Variants in WRNIP1 observed in about 807,000 individuals in gnomAD.
WRNIP1 encodes ATPase WRNIP1.
In WRNIP1, 41 loss-of-function variants were observed where a neutral mutation model predicts 56.1. That is an observed-to-expected ratio of 0.73 (90% confidence interval 0.57 to 0.95). The LOEUF (loss-of-function observed/expected upper bound fraction) is 0.95, where lower values mean the gene tolerates loss of function less well. WRNIP1 is among the 40% of genes least tolerant of loss of function. The pLI is 0.00. For missense variants in WRNIP1, 1,170 were observed against 939.4 expected (o/e 1.25, Z -3.21); for synonymous variants, 547 against 398.1 (o/e 1.37, Z -4.45).
rs953829747 is a variant in WRNIP1 at position 2,766,129 on chromosome 6, GGGCGAC to G, written c.513_518del (p.Gly176_Asp177del). On this transcript the variant is annotated inframe_deletion, in exon 1 of 7. Transcript: ENST00000380773. Reference sequence around the variant, plus strand: ...AGGCGCAGGAGGAGGAGGAGGCCGTGGGCGACGGCGATGGCGACGGGGACGCGGACG... The same window carrying G: ...AGGCGCAGGAGGAGGAGGAGGCCGTGGGCGATGGCGACGGGGACGCGGACG... 1.7e-5 allele frequency: 23 copies of G among 1,325,648 alleles called. No individual in the cohort carries two copies. The highest frequency in any genetic ancestry group is 1.2e-4 in the African/African-American group (8 of 64,952). The allele number at this position is 1,325,648 out of a possible 1,614,324, so 82.1% of individuals were successfully genotyped here.
At chr6:2,769,298 G>C (rs1765175413) in intron 2 of WRNIP1, among the ~76,000 whole-genome samples, 1 of 151,854 alleles carries the variant, frequency 6.6e-6, no homozygotes, top group Non-Finnish European at 1.5e-5. Flanking sequence ...GTAACTCCAG[G>C]CTCTGTCTTC....
At chr6:2,766,914 A>G (rs1210788457) in intron 1 of WRNIP1, among the ~76,000 whole-genome samples, 1 of 152,190 alleles carries the variant, frequency 6.6e-6, no homozygotes, top group Non-Finnish European at 1.5e-5. Flanking sequence ...CTTTTCCACT[A>G]GTTGTTGGTT....
intron 3 of WRNIP1, chr6:2,773,186 T>A (rs554482217): frequency 1.1e-4 from 110 of 984,590 alleles, no homozygotes; most frequent in Admixed American, 2.5e-4. Flanking sequence ...GTTCTTTTTT[T>A]AAAAAAAAAT....
intron 3 of WRNIP1, among the ~76,000 whole-genome samples, chr6:2,770,980 C>T (rs1274416591): frequency 1.3e-5 from 2 of 152,140 alleles, no homozygotes; most frequent in African/African-American, 4.8e-5. Flanking sequence ...ACCACATGAG[C>T]TCGTTAATGC....
At position 2,779,497 on chromosome 6, in the gene WRNIP1, G is replaced by A; in HGVS notation, c.1486+5G>A. On this transcript the variant is annotated splice_donor_5th_base_variant and intron_variant, in intron 4 of 6. Transcript: ENST00000380773. ...ACATTTTATATGACCGGGCAGGTAAGTAATTCACCTGTGGAAAGAGTGAAA... is the reference window on the plus strand; with the variant it reads ...ACATTTTATATGACCGGGCAGGTAAATAATTCACCTGTGGAAAGAGTGAAA... 1 of 1,611,402 alleles carries A rather than the reference G, an allele frequency of 6.2e-7. No homozygotes were observed. The highest frequency in any genetic ancestry group is 8.5e-7 in the Non-Finnish European group (1 of 1,178,512).
intron 2 of WRNIP1, among the ~76,000 whole-genome samples, chr6:2,769,504 A>AT (rs923487464): frequency 6.6e-6 from 1 of 151,784 alleles, no homozygotes; most frequent in Non-Finnish European, 1.5e-5. Context: ...ACTTTAAAAA[A>AT]TTTTTTTTTG....
In WRNIP1 at chr6:2,766,123, G is replaced by GC; in HGVS notation, c.501_502insC (p.Ala168ArgfsTer67). On this transcript the variant is annotated frameshift_variant, in exon 1 of 7. Transcript: ENST00000380773. LOFTEE classifies it high-confidence loss of function. ...AGGCGGAGGCGCAGGAGGAGGAGGAGGCCGTGGGCGACGGCGATGGCGACG... is the reference window on the plus strand; with the variant it reads ...AGGCGGAGGCGCAGGAGGAGGAGGAGCGCCGTGGGCGACGGCGATGGCGACG... 7.5e-7 allele frequency: 1 copy of GC among 1,325,994 alleles called. No homozygotes were observed. The highest frequency in any genetic ancestry group is 9.6e-7 in the Non-Finnish European group (1 of 1,046,244). The allele number at this position is 1,325,994 out of a possible 1,614,324, so 82.1% of individuals were successfully genotyped here.
intron 4 of WRNIP1, among the ~76,000 whole-genome samples, 153 bp from the exon 5 acceptor site, chr6:2,783,253 C>G (rs1256772372): frequency 6.6e-6 from 1 of 152,240 alleles, no homozygotes; most frequent in Non-Finnish European, 1.5e-5. Flanking sequence ...GCACCCCACT[C>G]AGAGCACGGT....
At position 2,765,415 on chromosome 6, in the gene WRNIP1, A is replaced by G. The variant is rs1381896343; in HGVS notation, c.-208A>G. 3 of 461,272 alleles carry G rather than the reference A, an allele frequency of 6.5e-6. No homozygotes were observed. The highest frequency in any genetic ancestry group is 9.9e-6 in the Non-Finnish European group (3 of 302,136). 28.6% of individuals were successfully genotyped at this position (461,272 alleles called of 1,614,324 possible). On this transcript the variant is annotated 5_prime_UTR_variant, in exon 1 of 7. Transcript: ENST00000380773. ...ACTACACTTCCCGACACGCCGCGTG[A>G]GGCGCTGCCAGCGGCCGGCCGAGGG...
At chr6:2,784,299 T>C in intron 5 of WRNIP1, 25 bp from the exon 6 acceptor site, 17 of 1,606,768 alleles carry the variant, frequency 1.1e-5, no homozygotes, top group Non-Finnish European at 1.4e-5. Context: ...TGACTGAAAC[T>C]CTCCTTTGTC....
In WRNIP1 at chr6:2,765,883, G is replaced by C; in HGVS notation, c.261G>C (p.Thr87=). Residue 87 remains threonine, a synonymous_variant, in exon 1 of 7, where the codon ACG becomes ACC. Transcript: ENST00000380773. Reference sequence around the variant, plus strand: ...CGCTGAAGCAGCCAGCCACCCCGACGGCAGCCGAGAGCAGCGAGGGCGAGG... The same window carrying C: ...CGCTGAAGCAGCCAGCCACCCCGACCGCAGCCGAGAGCAGCGAGGGCGAGG... The part of the protein sequence containing the change: ...SSALKQPATP[T]AAESSEGEGE... The C allele has an allele frequency of 6.9e-7, 1 of 1,450,482 alleles. No individual in the cohort carries two copies. Among genetic ancestry groups the C allele is most frequent in the East Asian group, 3.0e-5 (1 of 32,946 alleles). The allele number at this position is 1,450,482 out of a possible 1,614,324, so 89.9% of individuals were successfully genotyped here. A position where few individuals can be genotyped will look rare whatever the true frequency, so the allele number is the denominator to read the frequency against.
rs767814348 is a variant in WRNIP1 at position 2,765,616 on chromosome 6, G to GGCC, written c.-3_-1dup. 4 of 1,514,596 alleles carry GGCC rather than the reference G, an allele frequency of 2.6e-6. No individual in the cohort carries two copies. The highest frequency in any genetic ancestry group is 3.5e-6 in the Non-Finnish European group (4 of 1,139,928). The allele number at this position is 1,514,596 out of a possible 1,614,324, so 93.8% of individuals were successfully genotyped here. ...CGCGCCGGGCGCCGGGGAGGGCGGC[G>GGCC]GCCGCCATGGAGGTGAGCGGGCCGG... On this transcript the variant is annotated 5_prime_UTR_variant, in exon 1 of 7. Coordinates refer to ENST00000380773, the MANE Select transcript of WRNIP1 (RefSeq NM_020135.3).
At position 2,786,116 on chromosome 6, in the gene WRNIP1, TCCTCTC is replaced by T; in HGVS notation, c.*842_*847del. 6.6e-6 allele frequency: 1 copy of T among 152,398 alleles called. No individual in the cohort carries two copies. The highest frequency in any genetic ancestry group is 2.1e-4 in the South Asian group (1 of 4,828). 9.4% of individuals were successfully genotyped at this position (152,398 alleles called of 1,614,324 possible). On this transcript the variant is annotated 3_prime_UTR_variant, in exon 7 of 7. Transcript: ENST00000380773. ...AGAGTTATTTGTCCCTACTGCTACT[TCCTCTC>T]CCTCTCCTTAGTTGCATGTCGTGCA...
chr6:2,784,352 A>G lies in WRNIP1; in HGVS notation c.1671A>G (p.Gln557=), dbSNP rs1205716838. Residue 557 remains glutamine, a synonymous_variant, in exon 6 of 7, where the codon CAA becomes CAG. Transcript: ENST00000380773. ...IGLADPSALT[Q]AVAAYQGCHF... ...TGGCAGACCCGTCTGCGTTAACACA[A>G]GCGGTTGCTGCCTACCAAGGCTGTC... is the stretch of plus-strand genomic sequence containing the variant. 6.2e-7 allele frequency: 1 copy of G among 1,614,138 alleles called. No individual in the cohort carries two copies. Among genetic ancestry groups the G allele is most frequent in the Non-Finnish European group, 8.5e-7 (1 of 1,179,960 alleles).
chr6:2,783,582 C>T (rs777449265), intron 5 of WRNIP1, 21 bp downstream of exon 5: 5 of 1,464,678 alleles, frequency 3.4e-6, no homozygotes, highest in Non-Finnish European at 3.7e-6. Flanking sequence ...TGGGAGGGTC[C>T]CGGAGTCCTA....
Position 2,765,831 on chromosome 6 carries a change from A to G in WRNIP1, c.209A>G (p.Lys70Arg), listed in dbSNP as rs1405828353. 2.2e-6 allele frequency: 3 copies of G among 1,367,140 alleles called. No individual in the cohort carries two copies. Among genetic ancestry groups the G allele is most frequent in the Non-Finnish European group, 1.9e-6 (2 of 1,063,996 alleles). The allele number at this position is 1,367,140 out of a possible 1,614,324, so 84.7% of individuals were successfully genotyped here. Reference protein sequence around the residue: ...RAKGPSPPGAKRRRLSESSAL... With the variant: ...RAKGPSPPGARRRRLSESSAL... The stretch of plus-strand genomic sequence containing the variant: ...AAGGGGCCCTCGCCGCCCGGCGCCA[A>G]GAGGCGGCGGCTGTCGGAGAGCTCG... Residue 70 changes from lysine (K) to arginine (R), a missense_variant, in exon 1 of 7, where the codon AAG becomes AGG. Transcript: ENST00000380773.
At chr6:2,774,134 T>C in intron 3 of WRNIP1, 4 of 985,316 alleles carry the variant, frequency 4.1e-6, no homozygotes, top group Non-Finnish European at 4.8e-6. Flanking sequence ...ATAGAGTAGA[T>C]GTCAATCTTT....
chr6:2,767,088 A>G (rs2113446995), intron 1 of WRNIP1, among the ~76,000 whole-genome samples: 1 of 152,294 alleles, frequency 6.6e-6, no homozygotes, highest in East Asian at 1.9e-4. Context: ...TTTTCTCATA[A>G]TGCCTTGTAC....
chr6:2,779,179 G>T, intron 3 of WRNIP1, 84 bp from the exon 4 acceptor site: 1 of 1,401,220 alleles, frequency 7.1e-7, no homozygotes, highest in Non-Finnish European at 1.0e-6. Context: ...TGTCCTTGCT[G>T]AGAAGTATGA....
Sources: gnomAD v4.1 joint callset for allele counts (sites outside exome capture counted in the v4.1 genomes callset) on GRCh38, gnomAD v4.1.1 for gene constraint, MANE v1.5 for transcripts, NCBI Gene and HGNC (gene_info 2026-07-23, HGNC 2026-07-21) for gene names.